Variants in WDR25 observed in about 807,000 individuals in gnomAD.
WDR25 encodes WD repeat domain 25, also known as WD repeat-containing protein 25.
Under a neutral mutation model 47.7 loss-of-function variants are expected in WDR25, and 35 were observed. The ratio of observed to expected loss-of-function variants is 0.73; its 90% CI spans 0.56 to 0.97. The LOEUF (loss-of-function observed/expected upper bound fraction) is 0.97. Among genes scored for constraint, WDR25 ranks in the 50% least tolerant of loss-of-function variants. WDR25 has a pLI of 0.00. For missense variants in WDR25, 634 were observed against 704.7 expected (o/e 0.90, Z 1.14); for synonymous variants, 248 against 278.9 (o/e 0.89, Z 1.10).
At chr14:100,413,324 T>C (rs1012249983) in intron 2 of WDR25, among the ~76,000 whole-genome samples, 6 of 152,176 alleles carry the variant, frequency 3.9e-5, no homozygotes, top group African/African-American at 1.4e-4. Context: ...GCCCATCTGT[T>C]AGTTCCACCC....
At chr14:100,383,277 G>A (rs368687809) in intron 2 of WDR25, among the ~76,000 whole-genome samples, 11 of 152,290 alleles carry the variant, frequency 7.2e-5, no homozygotes, top group South Asian at 4.1e-4. Flanking sequence ...CTGCCATTCC[G>A]GGGGCTGTGA....
intron 2 of WDR25, among the ~76,000 whole-genome samples, chr14:100,390,151 G>C (rs1378874561): frequency 2.0e-5 from 3 of 151,832 alleles, no homozygotes; most frequent in Non-Finnish European, 4.4e-5. Flanking sequence ...TCCAAGAGCT[G>C]TTTCTTATTT....
At chr14:100,526,759 T>C (rs1290969492) in intron 5 of WDR25, among the ~76,000 whole-genome samples, 1 of 54,942 alleles carries the variant, frequency 1.8e-5, no homozygotes, top group Non-Finnish European at 4.9e-5. Context: ...ACTGTTGTCA[T>C]TGTCACTACC....
At chr14:100,437,804 A>G (rs1402064631) in intron 2 of WDR25, among the ~76,000 whole-genome samples, 1 of 152,110 alleles carries the variant, frequency 6.6e-6, no homozygotes, top group African/African-American at 2.4e-5. Context: ...GAAGAAGAGA[A>G]GACAGGAGCT....
chr14:100,411,466 C>T (rs570141012), intron 2 of WDR25, among the ~76,000 whole-genome samples: 14 of 152,050 alleles, frequency 9.2e-5, no homozygotes, highest in African/African-American at 3.1e-4. Context: ...TGTTGGTTCT[C>T]AAACATTGGA....
rs975373394 is a variant in WDR25 at position 100,488,109 on chromosome 14, TCTC to T, written c.1101+3989_1101+3991del. ...AGCAAATGGGCTGTTTGGCTCCCTG[TCTC>T]CTCTTCTTGGTGATCTTGGGTGATC... On this transcript the variant is annotated intron_variant, in intron 4 of 6. Coordinates refer to ENST00000402312, the MANE Select transcript of WDR25 (RefSeq NM_001161476.3). This position sits in a 1 kb window ranked among gnomAD's most constrained non-coding sequence, Gnocchi z 4.2. Among the ~76,000 whole-genome samples the T allele has an allele frequency of 6.6e-6, 1 of 152,212 alleles. No individual in the cohort carries two copies. The highest frequency in any genetic ancestry group is 1.5e-5 in the Non-Finnish European group (1 of 68,036).
At position 100,440,471 on chromosome 14, in the gene WDR25, C is replaced by T. The variant is rs1304606793; in HGVS notation, c.823-27550C>T. Among the ~76,000 whole-genome samples, 3 of 152,178 alleles carry T rather than the reference C, an allele frequency of 2.0e-5. No homozygotes were observed. Among genetic ancestry groups the T allele is most frequent in the African/African-American group, 7.2e-5 (3 of 41,460 alleles). On this transcript the variant is annotated intron_variant, in intron 2 of 6. Transcript: ENST00000402312. This position sits in a 1 kb window ranked among gnomAD's most constrained non-coding sequence, Gnocchi z 4.4. ...AGAAAGGGCTGTAGGATGGGACCCT[C>T]AAGGTTTTGGGGCATGGGAGGGGCT...
chr14:100,432,794 T>C (rs1229762210), intron 2 of WDR25, among the ~76,000 whole-genome samples: 1 of 152,250 alleles, frequency 6.6e-6, no homozygotes, highest in Non-Finnish European at 1.5e-5. Context: ...AGATATGTTC[T>C]GAGAAATGCG....
At chr14:100,384,763 T>C (rs1176288006) in intron 2 of WDR25, among the ~76,000 whole-genome samples, 2 of 152,050 alleles carry the variant, frequency 1.3e-5, no homozygotes, top group African/African-American at 4.8e-5. Flanking sequence ...CCCAGGGTGC[T>C]TTCCCCCTGC....
At chr14:100,390,718 A>G (rs73357467) in intron 2 of WDR25, among the ~76,000 whole-genome samples, 17,350 of 152,110 alleles carry the variant, frequency 0.11, 2,307 homozygotes, top group African/African-American at 0.33. Context: ...TGTCCGGCAC[A>G]TCTTTTCCCA....
intron 2 of WDR25, among the ~76,000 whole-genome samples, chr14:100,405,205 A>C (rs1367911572): frequency 7.0e-6 from 1 of 142,972 alleles, no homozygotes; most frequent in South Asian, 2.1e-4. Flanking sequence ...CTTGTTACCC[A>C]GGCTGGAGTG....
intron 4 of WDR25, among the ~76,000 whole-genome samples, chr14:100,511,797 G>A (rs1901320267): frequency 6.6e-6 from 1 of 152,140 alleles, no homozygotes; most frequent in African/African-American, 2.4e-5. Flanking sequence ...TTTGCTGAGA[G>A]TTTTTTAAAA....
chr14:100,411,070 A>G (rs758982712), intron 2 of WDR25, among the ~76,000 whole-genome samples: 10 of 152,132 alleles, frequency 6.6e-5, no homozygotes, highest in Non-Finnish European at 1.5e-4. Flanking sequence ...GGTGTGAGCC[A>G]CCCTGCCTGG....
chr14:100,451,243 C>CTTT (rs11288233), intron 2 of WDR25, among the ~76,000 whole-genome samples: 1 of 134,640 alleles, frequency 7.4e-6, no homozygotes. Context: ...CCAAAGCATT[C>CTTT]TTTTTTTTTT....
Position 100,529,822 on chromosome 14 carries a change from G to A in WDR25, c.1416G>A (p.Val472=). 6.2e-7 allele frequency: 1 copy of A among 1,611,514 alleles called. No homozygotes were observed. Among genetic ancestry groups the A allele is most frequent in the Non-Finnish European group, 8.5e-7 (1 of 1,179,722 alleles). The part of the protein sequence containing the change: ...SRRRRYEGHK[V]EGYSVGCECS... ...ACCCACTGTGTCCCTCTCTGCAGGT[G>A]GAGGGCTACTCAGTGGGCTGCGAGT... is the stretch of plus-strand genomic sequence containing the variant. The change falls in exon 7 of 7, where the codon GTG becomes GTA. Residue 472 remains valine, a splice_region_variant and synonymous_variant. Coordinates refer to ENST00000402312, the MANE Select transcript of WDR25 (RefSeq NM_001161476.3). This position sits in a 1 kb window ranked among gnomAD's most constrained non-coding sequence, Gnocchi z 5.1.
intron 2 of WDR25, among the ~76,000 whole-genome samples, chr14:100,411,530 C>CT (rs1897707042): frequency 6.7e-6 from 1 of 149,862 alleles, no homozygotes; most frequent in Non-Finnish European, 1.5e-5. Context: ...TTTTCACTTG[C>CT]TTTTTGCTTT....
intron 2 of WDR25, among the ~76,000 whole-genome samples, chr14:100,385,327 G>T (rs1466158995): frequency 6.6e-6 from 1 of 152,176 alleles, no homozygotes; most frequent in African/African-American, 2.4e-5. Flanking sequence ...CGCCACTAGG[G>T]TGCACAGTAA....
chr14:100,412,248 G>A (rs8005387), intron 2 of WDR25, among the ~76,000 whole-genome samples: 4,158 of 151,520 alleles, frequency 0.027, 208 homozygotes, highest in African/African-American at 0.097. Context: ...CCCTTGGTGC[G>A]TTATTCGGGA....
chr14:100,511,042 T>C (rs371682865), intron 4 of WDR25, among the ~76,000 whole-genome samples: 13 of 152,198 alleles, frequency 8.5e-5, no homozygotes, highest in East Asian at 3.8e-4. Context: ...AGTTTTACAA[T>C]TGCTTTGCCA....
Sources: gnomAD v4.1 joint callset for allele counts (sites outside exome capture counted in the v4.1 genomes callset) on GRCh38, gnomAD v4.1.1 for gene constraint, Gnocchi (gnomAD v3.1) non-coding constraint, MANE v1.5 for transcripts, NCBI Gene and HGNC (gene_info 2026-07-23, HGNC 2026-07-21) for gene names.